The following RB1 variants were observed in gnomAD, a reference collection of about 807,000 sequenced individuals.
RB1 encodes RB transcriptional corepressor 1.
RB1 carries 18 observed loss-of-function variants against 135.4 expected under a neutral mutation model. The ratio of observed to expected loss-of-function variants is 0.13; its 90% confidence interval spans 0.09 to 0.20. The LOEUF (loss-of-function observed/expected upper bound fraction) is 0.20. Among genes scored for constraint, RB1 ranks in the 10% least tolerant of loss-of-function variants. The pLI, the probability that RB1 is intolerant of heterozygous loss-of-function variation, is 1.00. For synonymous variants in RB1, 365 were observed against 373.2 expected, an observed-to-expected ratio of 0.98 and a Z score of 0.25; for missense variants, 868 against 1,110.0, an observed-to-expected ratio of 0.78 and a Z score of 3.10.
intron 17 of RB1, 84 bp from the exon 18 acceptor site, chr13:48,452,909 C>A: frequency 6.3e-7 from 1 of 1,579,292 alleles, no homozygotes; most frequent in Non-Finnish European, 8.6e-7. Flanking sequence ...ATAGTACTTA[C>A]CATGTCAAAC....
intron 17 of RB1, among the ~76,000 whole-genome samples, chr13:48,420,171 C>G (rs1389701411): frequency 1.3e-5 from 2 of 152,146 alleles, no homozygotes; most frequent in South Asian, 4.1e-4. Flanking sequence ...CATAGCACAT[C>G]AAAAAGCTTA....
At chr13:48,317,591 C>G in intron 2 of RB1, 2 of 437,780 alleles carry the variant, frequency 4.6e-6, no homozygotes, top group Non-Finnish European at 7.9e-6. Flanking sequence ...TGCTCGGCCC[C>G]TCGTGAGCGC....
intron 17 of RB1, among the ~76,000 whole-genome samples, chr13:48,445,679 A>T (rs1373044735): frequency 1.3e-5 from 2 of 151,814 alleles, no homozygotes; most frequent in Non-Finnish European, 2.9e-5. Flanking sequence ...TCATGAGAGA[A>T]CCCTGTTCTT....
At chr13:48,402,099 C>T (rs931416959) in intron 17 of RB1, among the ~76,000 whole-genome samples, 3 of 151,988 alleles carry the variant, frequency 2.0e-5, no homozygotes, top group Non-Finnish European at 4.4e-5. Flanking sequence ...AATTACTTGT[C>T]TTTTACATGA....
At chr13:48,477,206 T>C in intron 25 of RB1, 149 bp from the exon 26 acceptor site, 1 of 650,152 alleles carries the variant, frequency 1.5e-6, no homozygotes, top group East Asian at 2.8e-5. Flanking sequence ...ATTTATGTTT[T>C]AGATGGTTAG....
intron 26 of RB1, among the ~76,000 whole-genome samples, chr13:48,478,615 T>C (rs1949518244): frequency 6.6e-6 from 1 of 152,220 alleles, no homozygotes; most frequent in African/African-American, 2.4e-5. Context: ...CACTTAGCTA[T>C]GATGGCGAGC....
intron 17 of RB1, among the ~76,000 whole-genome samples, chr13:48,423,279 G>A (rs1949032558): frequency 6.6e-6 from 1 of 151,964 alleles, no homozygotes; most frequent in Non-Finnish European, 1.5e-5. Context: ...TTTTGTTTTT[G>A]TTTTTGTGTT....
At chr13:48,454,263 A>AT (rs1949346782) in intron 18 of RB1, among the ~76,000 whole-genome samples, 1 of 152,172 alleles carries the variant, frequency 6.6e-6, no homozygotes, top group Non-Finnish European at 1.5e-5. Flanking sequence ...AATGTGCCTA[A>AT]TATTTTGTTT....
chr13:48,333,865 A>G (rs1415476612), intron 2 of RB1, among the ~76,000 whole-genome samples: 3 of 152,002 alleles, frequency 2.0e-5, no homozygotes, highest in Admixed American at 1.3e-4. Flanking sequence ...AGTGAATTAG[A>G]TACAATATTT....
intron 18 of RB1, among the ~76,000 whole-genome samples, chr13:48,455,912 T>A (rs1391957118): frequency 6.6e-6 from 1 of 152,200 alleles, no homozygotes; most frequent in African/African-American, 2.4e-5. Context: ...TGGAATCACC[T>A]TATGGTCTCA....
intron 17 of RB1, among the ~76,000 whole-genome samples, chr13:48,413,350 G>A (rs1290938360): frequency 1.3e-5 from 2 of 152,126 alleles, no homozygotes; most frequent in East Asian, 3.8e-4. Context: ...ACCTCTCAGA[G>A]TTGTTTTGAT....
At chr13:48,475,836 T>A (rs1593546487) in intron 24 of RB1, among the ~76,000 whole-genome samples, 1 of 152,282 alleles carries the variant, frequency 6.6e-6, no homozygotes, top group East Asian at 1.9e-4. Context: ...TAGTTCACGA[T>A]GGGCTCAGCT....
intron 17 of RB1, among the ~76,000 whole-genome samples, chr13:48,436,441 G>A (rs771467979): frequency 6.6e-6 from 1 of 152,122 alleles, no homozygotes; most frequent in Non-Finnish European, 1.5e-5. Context: ...TCAGAAGTTC[G>A]AGACCAGCCT....
intron 17 of RB1, among the ~76,000 whole-genome samples, chr13:48,392,762 CTCTCTTT>C (rs1948620656): frequency 2.0e-5 from 3 of 151,728 alleles, no homozygotes; most frequent in Admixed American, 1.3e-4. Flanking sequence ...CTCTCTCTCT[CTCTCTTT>C]TTTTTAAGAG....
rs542723480 is a variant in RB1 at position 48,350,203 on chromosome 13, G to A, written c.607+1180G>A. Among the ~76,000 whole-genome samples, 12 of 152,156 alleles carry A rather than the reference G, an allele frequency of 7.9e-5. No individual in the cohort carries two copies. In the East Asian group the frequency reaches 2.1e-3, roughly 27 times the overall value. On this transcript the variant is annotated intron_variant, in intron 6 of 26. Transcript: ENST00000267163. ...CTATATAGACCATATGAATCTAATA[G>A]ATATTTACAGAACATTTCATCCAAG...
chr13:48,406,157 T>C (rs1948737928), intron 17 of RB1, among the ~76,000 whole-genome samples: 1 of 152,094 alleles, frequency 6.6e-6, no homozygotes, highest in African/African-American at 2.4e-5. Context: ...AATTGTGTCT[T>C]GAGGATCAAT....
intron 2 of RB1, chr13:48,328,578 G>GT (rs1412556143): frequency 4.6e-6 from 3 of 652,758 alleles, no homozygotes; most frequent in Non-Finnish European, 5.6e-6. Context: ...CCGCCGCATT[G>GT]TTTTTTTAAG....
chr13:48,377,078 T>A, intron 13 of RB1, 44 bp downstream of exon 13: 2 of 1,564,542 alleles, frequency 1.3e-6, no homozygotes, highest in Non-Finnish European at 1.8e-6. Context: ...AGAGTAATAA[T>A]ATTAAAAGCA....
chr13:48,358,520 G>A (rs1485722456), intron 6 of RB1, among the ~76,000 whole-genome samples: 4 of 152,206 alleles, frequency 2.6e-5, no homozygotes, highest in East Asian at 1.9e-4. Context: ...GATACAAGCC[G>A]TTGTTCTGAG....
Sources: gnomAD v4.1 joint callset for allele counts (sites outside exome capture counted in the v4.1 genomes callset) on GRCh38, gnomAD v4.1.1 for gene constraint, MANE v1.5 for transcripts, NCBI Gene and HGNC (gene_info 2026-07-23, HGNC 2026-07-21) for gene names.